The following EPHB1 variants were observed in gnomAD, a reference collection of about 807,000 sequenced individuals.
EPHB1 encodes EPH receptor B1, also known as ephrin type-B receptor 1.
Under a neutral mutation model 94.4 loss-of-function variants are expected in EPHB1, and 30 were observed. The observed-to-expected ratio is 0.32, with a 90% confidence interval of 0.24 to 0.43. The LOEUF (loss-of-function observed/expected upper bound fraction) is 0.43, where lower values mean the gene tolerates loss of function less well. Among genes scored for constraint, EPHB1 ranks in the 20% least tolerant of loss-of-function variants. EPHB1 has a pLI of 1.00. For missense variants in EPHB1, 1,055 were observed against 1,308.3 expected (o/e 0.81, Z 2.99); for synonymous variants, 522 against 489.1 (o/e 1.07, Z -0.89).
chr3:134,991,864 AT>A (rs1934816555), intron 3 of EPHB1, among the ~76,000 whole-genome samples: 1 of 151,934 alleles, frequency 6.6e-6, no homozygotes, highest in South Asian at 2.1e-4. Flanking sequence ...AGTCCCTGTT[AT>A]TTGCATGCAC....
chr3:135,030,116 T>C lies in EPHB1; in HGVS notation c.806-76332T>C, dbSNP rs533092662. Among the ~76,000 whole-genome samples the C allele has an allele frequency of 2.0e-3, 296 of 151,748 alleles. 1 individual carries two copies. Among genetic ancestry groups the C allele is most frequent in the African/African-American group, 6.7e-3 (278 of 41,246 alleles). The stretch of plus-strand genomic sequence containing the variant: ...TTCTCTGTATTGGTTATTCTAGTTA[T>C]ACATTCTTCTAAATTTTTTTCAAAG... On this transcript the variant is annotated intron_variant, in intron 3 of 15. Coordinates refer to ENST00000398015, the MANE Select transcript of EPHB1 (RefSeq NM_004441.5).
intron 3 of EPHB1, among the ~76,000 whole-genome samples, chr3:135,084,916 G>A (rs184831894): frequency 2.6e-4 from 40 of 152,250 alleles, no homozygotes; most frequent in Non-Finnish European, 4.1e-4. Flanking sequence ...AACAGCAAAG[G>A]TGAGGGAATT....
intron 3 of EPHB1, among the ~76,000 whole-genome samples, chr3:135,099,439 G>C (rs1055163065): frequency 6.6e-6 from 1 of 152,186 alleles, no homozygotes; most frequent in East Asian, 1.9e-4. Context: ...TGAATATAAG[G>C]GGAAATGGGA....
rs1553727879 is a variant in EPHB1 at position 135,061,372 on chromosome 3, C to CCG, written c.806-45075_806-45074insGC. Reference sequence around the variant, plus strand: ...AGCTCCCACTTAGGAATGACCACCCCCCCCGACCCAAGTCCCCAAAGTCCA... The same window carrying CCG: ...AGCTCCCACTTAGGAATGACCACCCCCGCCCCGACCCAAGTCCCCAAAGTCCA... On this transcript the variant is annotated intron_variant, in intron 3 of 15. Coordinates refer to ENST00000398015, the MANE Select transcript of EPHB1 (RefSeq NM_004441.5). Among the ~76,000 whole-genome samples the CCG allele has an allele frequency of 4.6e-5, 6 of 130,042 alleles. 1 individual carries two copies. The East Asian group carries it at 8.0e-4, about 17-fold the overall frequency. 85.3% of individuals were successfully genotyped at this position (130,042 alleles called of 152,430 possible).
chr3:135,123,355 A>G (rs1940055047), intron 4 of EPHB1, among the ~76,000 whole-genome samples: 1 of 152,228 alleles, frequency 6.6e-6, no homozygotes, highest in Non-Finnish European at 1.5e-5. Context: ...AAGAAAATTC[A>G]AATTTCCATG....
chr3:135,150,269 C>T (rs562037861), intron 5 of EPHB1, among the ~76,000 whole-genome samples: 1 of 152,302 alleles, frequency 6.6e-6, no homozygotes, highest in African/African-American at 2.4e-5. Context: ...ATTGTGCCTC[C>T]GCAGAGGTCT....
intron 3 of EPHB1, among the ~76,000 whole-genome samples, chr3:135,075,612 T>G (rs760848055): frequency 2.2e-4 from 33 of 152,186 alleles, no homozygotes; most frequent in Non-Finnish European, 4.4e-4. Flanking sequence ...AATAAGGGCT[T>G]GGCTGATGAT....
chr3:134,954,077 GA>G (rs1933144611), intron 3 of EPHB1, among the ~76,000 whole-genome samples: 1 of 152,232 alleles, frequency 6.6e-6, no homozygotes, highest in African/African-American at 2.4e-5. Flanking sequence ...AGAGGCATGG[GA>G]AGCCACATTT....
chr3:135,148,135 T>C lies in EPHB1; in HGVS notation c.1298-6017T>C, dbSNP rs1483041767. On this transcript the variant is annotated intron_variant, in intron 5 of 15. Coordinates refer to ENST00000398015, the MANE Select transcript of EPHB1 (RefSeq NM_004441.5). The stretch of plus-strand genomic sequence containing the variant: ...TGTGAAGTATTTTTAATAAGCATTG[T>C]AATGTATTAAAACTTAGTAATTGTC... 2.6e-5 allele frequency among the ~76,000 whole-genome samples: 4 copies of C among 152,250 alleles called. 1 individual carries two copies. Among genetic ancestry groups the C allele is most frequent in the South Asian group, 4.1e-4 (2 of 4,834 alleles).
chr3:135,062,413 G>A (rs1456825306), intron 3 of EPHB1, among the ~76,000 whole-genome samples: 1 of 152,068 alleles, frequency 6.6e-6, no homozygotes, highest in African/African-American at 2.4e-5. Context: ...GTTGCACTGT[G>A]GTTTTGATTT....
At chr3:135,033,643 T>A (rs1048441828) in intron 3 of EPHB1, among the ~76,000 whole-genome samples, 8 of 152,180 alleles carry the variant, frequency 5.3e-5, no homozygotes, top group Non-Finnish European at 1.0e-4. Flanking sequence ...TGGATTTTGA[T>A]CGCCTCCGAG....
At chr3:134,949,579 A>G (rs1354671110) in intron 2 of EPHB1, among the ~76,000 whole-genome samples, 6 of 152,218 alleles carry the variant, frequency 3.9e-5, no homozygotes, top group African/African-American at 1.4e-4. Context: ...TTAATGAAGA[A>G]TTCTAGTCTA....
At chr3:134,991,991 G>A (rs1236521539) in intron 3 of EPHB1, among the ~76,000 whole-genome samples, 1 of 152,068 alleles carries the variant, frequency 6.6e-6, no homozygotes, top group Non-Finnish European at 1.5e-5. Context: ...CATTTCTAGG[G>A]CTGCTTATTT....
intron 3 of EPHB1, among the ~76,000 whole-genome samples, chr3:135,074,560 A>C (rs567070480): frequency 1.2e-3 from 185 of 152,326 alleles, no homozygotes; most frequent in African/African-American, 4.1e-3. Context: ...GCTACTAAAC[A>C]CACCATTTTC....
intron 2 of EPHB1, among the ~76,000 whole-genome samples, chr3:134,930,231 A>C (rs763177852): frequency 1.3e-5 from 2 of 152,160 alleles, no homozygotes; most frequent in South Asian, 4.1e-4. Flanking sequence ...GGGTTGGACC[A>C]CTCACCTACA....
chr3:134,802,918 T>A (rs754615925), intron 1 of EPHB1, among the ~76,000 whole-genome samples: 1 of 152,168 alleles, frequency 6.6e-6, no homozygotes, highest in Non-Finnish European at 1.5e-5. Flanking sequence ...TACACTATAA[T>A]GACCCTGCTG....
chr3:135,082,614 A>G (rs1222503679), intron 3 of EPHB1, among the ~76,000 whole-genome samples: 1 of 152,178 alleles, frequency 6.6e-6, no homozygotes, highest in African/African-American at 2.4e-5. Flanking sequence ...ACTTTCATGG[A>G]TAGGGTGGAA....
At chr3:134,832,169 A>G (rs2036593194) in intron 1 of EPHB1, among the ~76,000 whole-genome samples, 1 of 152,220 alleles carries the variant, frequency 6.6e-6, no homozygotes, top group African/African-American at 2.4e-5. Context: ...AAAATTATTC[A>G]TTGTTTATCA....
At chr3:134,826,869 G>C (rs1379574468) in intron 1 of EPHB1, among the ~76,000 whole-genome samples, 4 of 152,180 alleles carry the variant, frequency 2.6e-5, no homozygotes, top group African/African-American at 9.7e-5. Context: ...AGGGCACACA[G>C]TGTGAAAGAT....
Sources: gnomAD v4.1 joint callset for allele counts (sites outside exome capture counted in the v4.1 genomes callset) on GRCh38, gnomAD v4.1.1 for gene constraint, MANE v1.5 for transcripts, NCBI Gene and HGNC (gene_info 2026-07-23, HGNC 2026-07-21) for gene names.